Variants in NPSR1 observed in about 807,000 individuals in gnomAD.
The protein encoded by NPSR1 is neuropeptide S receptor.
NPSR1 carries 48 observed loss-of-function variants against 46.9 expected under a neutral mutation model. The ratio of observed to expected loss-of-function variants is 1.02; its 90% CI spans 0.81 to 1.30. The LOEUF is 1.30. Among genes scored for constraint, NPSR1 ranks in the 50% most tolerant of loss-of-function variants. The pLI, the probability that NPSR1 is intolerant of heterozygous loss-of-function variation, is 0.00. For missense variants in NPSR1, 450 were observed against 449.5 expected (o/e 1.00, Z -0.01); for synonymous variants, 176 against 168.1 (o/e 1.05, Z -0.36).
At chr7:34,801,534 A>G (rs1487857953) in intron 3 of NPSR1, among the ~76,000 whole-genome samples, 1 of 136,952 alleles carries the variant, frequency 7.3e-6, no homozygotes, top group Non-Finnish European at 1.5e-5. Context: ...CATGCTAAAA[A>G]CACTCAATAA....
chr7:34,790,848 T>TTATGTTA (rs1787747485), intron 3 of NPSR1, among the ~76,000 whole-genome samples: 12 of 129,058 alleles, frequency 9.3e-5, no homozygotes, highest in Non-Finnish European at 1.8e-4. Flanking sequence ...TATATATATG[T>TTATGTTA]TATATGTTAT....
At chr7:34,756,915 C>A (rs137981040) in intron 2 of NPSR1, among the ~76,000 whole-genome samples, 1 of 152,200 alleles carries the variant, frequency 6.6e-6, no homozygotes, top group African/African-American at 2.4e-5. Flanking sequence ...ATATGCTTTA[C>A]TGAATTAAAT....
In NPSR1 at chr7:34,875,092, T is replaced by C. The variant is rs182058615; in HGVS notation, c.1026-2984T>C. Among the ~76,000 whole-genome samples, 980 of 152,312 alleles carry C rather than the reference T, an allele frequency of 6.4e-3. 7 individuals are homozygous for C. The highest frequency in any genetic ancestry group is 0.011 in the Non-Finnish European group (723 of 68,024). ...TATTCTCGTCCCTATGGCATTATCATTCCAAAACAATAGTAGACACTCTTT... is the reference window on the plus strand; with the variant it reads ...TATTCTCGTCCCTATGGCATTATCACTCCAAAACAATAGTAGACACTCTTT... On this transcript the variant is annotated intron_variant, in intron 8 of 8. Transcript: ENST00000359791.
chr7:34,696,702 A>T (rs1793548245), intron 2 of NPSR1, among the ~76,000 whole-genome samples: 2 of 152,164 alleles, frequency 1.3e-5, no homozygotes, highest in East Asian at 1.9e-4. Context: ...AAAAGAAAAT[A>T]AAAAGCATAT....
chr7:34,843,898 T>C (rs1790656503), intron 6 of NPSR1, among the ~76,000 whole-genome samples: 1 of 152,264 alleles, frequency 6.6e-6, no homozygotes, highest in Non-Finnish European at 1.5e-5. Context: ...GTTGTGCCCA[T>C]TGAGCCCCAC....
intron 1 of NPSR1, among the ~76,000 whole-genome samples, chr7:34,675,089 A>G (rs1340615006): frequency 6.6e-6 from 1 of 152,224 alleles, no homozygotes; most frequent in East Asian, 1.9e-4. Context: ...AACCCAGGTA[A>G]GTAACTTCTC....
intron 8 of NPSR1, among the ~76,000 whole-genome samples, chr7:34,875,607 G>A (rs1791556197): frequency 6.6e-6 from 1 of 152,180 alleles, no homozygotes; most frequent in Non-Finnish European, 1.5e-5. Flanking sequence ...AGGGTGTCGA[G>A]CCCCAGTGCC....
intron 3 of NPSR1, among the ~76,000 whole-genome samples, chr7:34,804,679 A>G (rs534752067): frequency 2.6e-4 from 39 of 152,112 alleles, no homozygotes; most frequent in Non-Finnish European, 5.0e-4. Context: ...AGATAATTTA[A>G]CAGGACAAGA....
In NPSR1 at chr7:34,679,237, C is replaced by G. The variant is rs73324766; in HGVS notation, c.148-5315C>G. ...AAAAACCTTGTAAGATCTTACATAT[C>G]AGTTACACAATAAATTACAATGAAT... is the stretch of plus-strand genomic sequence containing the variant. On this transcript the variant is annotated intron_variant, in intron 1 of 8. Transcript: ENST00000360581. 8.9e-4 allele frequency among the ~76,000 whole-genome samples: 135 copies of G among 152,194 alleles called. 1 individual carries two copies. Among genetic ancestry groups the G allele is most frequent in the African/African-American group, 3.1e-3 (130 of 41,536 alleles).
intron 2 of NPSR1, among the ~76,000 whole-genome samples, chr7:34,692,411 C>T (rs1210395072): frequency 6.6e-6 from 1 of 152,054 alleles, no homozygotes; most frequent in Non-Finnish European, 1.5e-5. Flanking sequence ...TTCAAAAATA[C>T]ACAAGAACAT....
At chr7:34,812,402 G>A (rs944756764) in intron 4 of NPSR1, among the ~76,000 whole-genome samples, 3 of 152,186 alleles carry the variant, frequency 2.0e-5, no homozygotes, top group African/African-American at 7.2e-5. Context: ...ATGGGTCAGA[G>A]GGAAGGCTGA....
chr7:34,671,590 G>A (rs996992535), intron 1 of NPSR1, among the ~76,000 whole-genome samples: 1 of 152,164 alleles, frequency 6.6e-6, no homozygotes, highest in African/African-American at 2.4e-5. Context: ...ATGACTGGCT[G>A]TATGAATTGA....
intron 2 of NPSR1, among the ~76,000 whole-genome samples, chr7:34,767,390 A>G (rs1262879421): frequency 6.6e-6 from 1 of 152,234 alleles, no homozygotes; most frequent in Non-Finnish European, 1.5e-5. Flanking sequence ...ACATAGATGA[A>G]CAGTTGAGTG....
intron 5 of NPSR1, among the ~76,000 whole-genome samples, chr7:34,827,906 G>A (rs1481946099): frequency 6.6e-6 from 1 of 152,172 alleles, no homozygotes; most frequent in Non-Finnish European, 1.5e-5. Context: ...CCAATTTAAT[G>A]AATGATGAAA....
In NPSR1 at chr7:34,791,047, T is replaced by G. The variant is rs1787807396; in HGVS notation, c.384+12482T>G. ...GTTATATGTTATATATTATATTATA[T>G]ATGTTATATGTTATATATTATATTA... On this transcript the variant is annotated intron_variant, in intron 3 of 8. Coordinates refer to ENST00000360581, the MANE Select transcript of NPSR1 (RefSeq NM_207172.2). Among the ~76,000 whole-genome samples, 6 of 120,870 alleles carry G rather than the reference T, an allele frequency of 5.0e-5. No individual in the cohort carries two copies. In the Admixed American group the frequency reaches 5.7e-4, roughly 12 times the overall value. 79.3% of individuals were successfully genotyped at this position (120,870 alleles called of 152,430 possible).
chr7:34,792,005 C>T (rs894403618), intron 3 of NPSR1, among the ~76,000 whole-genome samples: 1 of 152,042 alleles, frequency 6.6e-6, no homozygotes, highest in African/African-American at 2.4e-5. Context: ...GAAAACTGGA[C>T]ATCTACATGA....
At chr7:34,872,752 A>C (rs1315095104) in intron 8 of NPSR1, among the ~76,000 whole-genome samples, 1 of 151,758 alleles carries the variant, frequency 6.6e-6, no homozygotes, top group Non-Finnish European at 1.5e-5. Flanking sequence ...ATTCACTATC[A>C]CAAGAACAGC....
At chr7:34,866,820 GA>G (rs1024292980) in intron 8 of NPSR1, among the ~76,000 whole-genome samples, 67 of 151,488 alleles carry the variant, frequency 4.4e-4, no homozygotes, top group African/African-American at 1.3e-3. Context: ...GTTACAGTTA[GA>G]AAAAAAAGTT....
chr7:34,804,229 A>G (rs1171207730), intron 3 of NPSR1, among the ~76,000 whole-genome samples: 1 of 152,142 alleles, frequency 6.6e-6, no homozygotes, highest in African/African-American at 2.4e-5. Flanking sequence ...ACAGAACAAT[A>G]TCCCTCATGA....
Sources: allele counts gnomAD v4.1 joint callset (sites outside exome capture counted in the v4.1 genomes callset), GRCh38; gene constraint gnomAD v4.1.1; transcripts MANE v1.5; gene names NCBI Gene and HGNC (gene_info 2026-07-23, HGNC 2026-07-21).